Variants in XKR9 observed in about 807,000 individuals in gnomAD.
XKR9 encodes XK related 9, also known as XK-related protein 9.
XKR9 carries 32 observed loss-of-function variants against 32.0 expected under a neutral mutation model. The ratio of observed to expected loss-of-function variants is 1.00; its 90% CI spans 0.76 to 1.34. The LOEUF (loss-of-function observed/expected upper bound fraction) is 1.34, where lower values mean the gene tolerates loss of function less well. Ranked by LOEUF, XKR9 falls within the 40% of genes most tolerant of loss-of-function variation. The pLI, the probability that XKR9 is intolerant of heterozygous loss-of-function variation, is 0.00. For missense variants in XKR9, 546 were observed against 429.7 expected (o/e 1.27, Z -2.39); for synonymous variants, 168 against 143.4 (o/e 1.17, Z -1.22).
At chr8:70,936,078 C>G in the XKR9 span, among the ~76,000 whole-genome samples, 6 of 151,970 alleles carry the variant, frequency 3.9e-5, no homozygotes, top group South Asian at 2.1e-4. Flanking sequence ...TTTACTCAAT[C>G]AAACCAGCAA....
chr8:70,990,148 T>C, the XKR9 span, among the ~76,000 whole-genome samples: 3 of 152,344 alleles, frequency 2.0e-5, no homozygotes, highest in Admixed American at 6.5e-5. Flanking sequence ...TTATAATACC[T>C]GCCTAGTTTC....
At chr8:70,700,061 G>C (rs1467602663) in intron 3 of XKR9, among the ~76,000 whole-genome samples, 1 of 152,004 alleles carries the variant, frequency 6.6e-6, no homozygotes, top group Non-Finnish European at 1.5e-5. Flanking sequence ...CTCTGTATTG[G>C]TTATTCTAGT....
chr8:70,974,389 C>G, the XKR9 span, among the ~76,000 whole-genome samples: 1 of 152,142 alleles, frequency 6.6e-6, no homozygotes, highest in Non-Finnish European at 1.5e-5. Flanking sequence ...CTCTCCCTCC[C>G]TGATCCCACC....
At chr8:70,838,094 A>T in the XKR9 span, among the ~76,000 whole-genome samples, 1 of 152,086 alleles carries the variant, frequency 6.6e-6, no homozygotes, top group Admixed American at 6.6e-5. Flanking sequence ...GCTGAAAAAG[A>T]CCAGCTGATC....
chr8:70,775,440 G>A (rs1211022267), intron 2 of XKR9, among the ~76,000 whole-genome samples: 1 of 152,080 alleles, frequency 6.6e-6, no homozygotes, highest in Admixed American at 6.6e-5. Flanking sequence ...CATGATGTTA[G>A]CTGTAGATAT....
intron 2 of XKR9, among the ~76,000 whole-genome samples, chr8:70,755,744 C>G (rs1197409763): frequency 7.9e-6 from 1 of 127,076 alleles, no homozygotes; most frequent in Non-Finnish European, 1.6e-5. Flanking sequence ...GAACACCACA[C>G]TCTGGTGACT....
At chr8:70,837,521 C>A in the XKR9 span, among the ~76,000 whole-genome samples, 4 of 152,122 alleles carry the variant, frequency 2.6e-5, no homozygotes, top group South Asian at 6.2e-4. Context: ...GGATAAAGAA[C>A]AGGATGATGC....
At chr8:70,880,917 A>G in the XKR9 span, among the ~76,000 whole-genome samples, 3 of 152,212 alleles carry the variant, frequency 2.0e-5, no homozygotes, top group Non-Finnish European at 4.4e-5. Context: ...TGGTACCAAA[A>G]CAGATATATT....
Position 70,726,215 on chromosome 8 carries a change from G to C in XKR9, c.494-7581G>C, listed in dbSNP as rs1028425770. On this transcript the variant is annotated intron_variant, in intron 4 of 4. Transcript: ENST00000408926. ...TTGATACTTTGTAAATACATTATGG[G>C]GACAATGCCCCAAAGAAATCAGCAG... 2.0e-5 allele frequency among the ~76,000 whole-genome samples: 3 copies of C among 152,094 alleles called. No homozygotes were observed. In the South Asian group the frequency reaches 6.2e-4, roughly 32 times the overall value.
the XKR9 span, among the ~76,000 whole-genome samples, chr8:70,851,477 C>A: frequency 6.6e-6 from 1 of 152,164 alleles, no homozygotes; most frequent in Non-Finnish European, 1.5e-5. Context: ...ATAGCCAAGA[C>A]AATCCTAAAC....
the XKR9 span, among the ~76,000 whole-genome samples, chr8:70,965,127 A>G: frequency 6.6e-6 from 1 of 152,110 alleles, no homozygotes; most frequent in Non-Finnish European, 1.5e-5. Context: ...TTCCTTCAAT[A>G]CCTAGTATAT....
the XKR9 span, among the ~76,000 whole-genome samples, chr8:71,057,552 C>T: frequency 1.3e-5 from 2 of 152,156 alleles, no homozygotes; most frequent in Non-Finnish European, 2.9e-5. Context: ...TGATTACATA[C>T]TTAAAAGGTT....
rs1586896453 is a variant in XKR9, at chr8:70,781,542, C to A, written n.353-7797C>A. On this transcript the variant is annotated intron_variant and non_coding_transcript_variant, in intron 2 of 3. Coordinates refer to the XKR9 transcript ENST00000520273. ...TTTATTATTTTTCTATGAGTGAGAC[C>A]CCATCTCCAAAAAAAAAAAAAAGAG... 3.8e-5 allele frequency among the ~76,000 whole-genome samples: 5 copies of A among 131,058 alleles called. No individual in the cohort carries two copies. The South Asian group carries it at 8.9e-4, about 23-fold the overall frequency. The allele number at this position is 131,058 out of a possible 152,430, so 86.0% of individuals were successfully genotyped here.
chr8:70,810,957 A>G, the XKR9 span, among the ~76,000 whole-genome samples: 3 of 152,202 alleles, frequency 2.0e-5, no homozygotes, highest in African/African-American at 7.2e-5. Flanking sequence ...ACATCTACAG[A>G]AGCCTCCACC....
chr8:71,020,669 T>G, the XKR9 span, among the ~76,000 whole-genome samples: 4 of 152,228 alleles, frequency 2.6e-5, no homozygotes, highest in East Asian at 7.7e-4. Context: ...ATAGGGCATA[T>G]GTAGTATTTT....
chr8:70,770,392 G>T (rs774124188), intron 2 of XKR9, among the ~76,000 whole-genome samples: 6 of 152,156 alleles, frequency 3.9e-5, no homozygotes, highest in Non-Finnish European at 8.8e-5. Context: ...CCTGCTCGGA[G>T]GTCTCTTTCA....
At chr8:70,867,003 C>T in the XKR9 span, among the ~76,000 whole-genome samples, 3 of 152,160 alleles carry the variant, frequency 2.0e-5, no homozygotes, top group Admixed American at 6.5e-5. Context: ...ATCTTGATCC[C>T]GAGTGTATCA....
At position 70,759,344 on chromosome 8, in the gene XKR9, G is replaced by T. The variant is rs13258584; in HGVS notation, n.353-29995G>T. Among the ~76,000 whole-genome samples the T allele has an allele frequency of 5.4e-3, 826 of 151,952 alleles. 11 individuals carry two copies. Among genetic ancestry groups the T allele is most frequent in the African/African-American group, 0.019 (792 of 41,436 alleles). ...TTTTCAGAAAATAATAGCTATTTTA[G>T]AAAGGGGGTGGAGAGAAAGGAAGGG... On this transcript the variant is annotated intron_variant and non_coding_transcript_variant, in intron 2 of 3. Coordinates refer to the XKR9 transcript ENST00000520273.
intron 4 of XKR9, among the ~76,000 whole-genome samples, chr8:70,729,883 T>G (rs1425091777): frequency 2.0e-5 from 3 of 152,106 alleles, no homozygotes; most frequent in African/African-American, 7.2e-5. Context: ...AGCCAACACA[T>G]CATTTTTGGA....
Sources: allele counts gnomAD v4.1 joint callset (sites outside exome capture counted in the v4.1 genomes callset), GRCh38; gene constraint gnomAD v4.1.1; transcripts MANE v1.5; gene names NCBI Gene and HGNC (gene_info 2026-07-23, HGNC 2026-07-21).